The following PIP5K1C variants were observed in gnomAD, a reference collection of about 807,000 sequenced individuals.
PIP5K1C encodes the protein phosphatidylinositol 4-phosphate 5-kinase type-1 gamma.
PIP5K1C carries 45 observed loss-of-function variants against 80.1 expected under a neutral mutation model. That is an observed-to-expected ratio of 0.56 (90% CI 0.44 to 0.72). The LOEUF (loss-of-function observed/expected upper bound fraction) is 0.72. PIP5K1C is among the 30% of genes least tolerant of loss of function. The pLI is 0.00. For synonymous variants in PIP5K1C, 498 were observed against 420.1 expected (o/e 1.19, Z -2.27); for missense variants, 753 against 954.6 (o/e 0.79, Z 2.78).
chr19:3,673,812 C>T (rs964483915), intron 1 of PIP5K1C: 12 of 152,478 alleles, frequency 7.9e-5, no homozygotes, highest in African/African-American at 4.8e-5. Flanking sequence ...CGGCACTCCA[C>T]GACACAGGCT....
intron 15 of PIP5K1C, among the ~76,000 whole-genome samples, chr19:3,639,501 G>A (rs1034404220): frequency 3.9e-5 from 6 of 152,150 alleles, no homozygotes; most frequent in African/African-American, 1.2e-4. Context: ...CTGTCATCAC[G>A]GCTCACTACA....
At chr19:3,681,040 G>A (rs2035574036) in intron 1 of PIP5K1C, among the ~76,000 whole-genome samples, 1 of 152,156 alleles carries the variant, frequency 6.6e-6, no homozygotes, top group African/African-American at 2.4e-5. Flanking sequence ...CAGAGACCCT[G>A]TTTTAGAGAC....
intron 8 of PIP5K1C, among the ~76,000 whole-genome samples, chr19:3,651,496 G>A (rs1245181212): frequency 3.3e-5 from 5 of 152,204 alleles, no homozygotes; most frequent in Non-Finnish European, 7.3e-5. Flanking sequence ...CTCTGCACGG[G>A]TGGCGTGTAG....
rs377110165 is a variant in PIP5K1C, at chr19:3,643,225, T to C, written c.1649+18A>G. 1.2e-6 allele frequency: 2 copies of C among 1,611,370 alleles called. No individual in the cohort carries two copies. The highest frequency in any genetic ancestry group is 8.5e-7 in the Non-Finnish European group (1 of 1,179,506). On this transcript the variant is annotated intron_variant, in intron 13 of 17. Transcript: ENST00000335312. ...CAGCGGATGCCCCGCCCACATGCAC[T>C]GCGGATGCCTCGCCCACCTGTACCG...
chr19:3,695,730 T>C (rs977096989), intron 1 of PIP5K1C, among the ~76,000 whole-genome samples: 3 of 70,584 alleles, frequency 4.3e-5, no homozygotes, highest in Admixed American at 1.1e-4. Flanking sequence ...CCACTGACCC[T>C]TTTTTTTTTT....
rs980751050 is a variant in PIP5K1C, at chr19:3,692,504, A to G, written c.94+7793T>C. Among the ~76,000 whole-genome samples the G allele has an allele frequency of 6.6e-6, 1 of 151,860 alleles. No homozygotes were observed. The highest frequency in any genetic ancestry group is 6.5e-5 in the Admixed American group (1 of 15,270). On this transcript the variant is annotated intron_variant, in intron 1 of 17. Transcript: ENST00000335312. The surrounding 1 kb of genome is among the most constrained non-coding windows in gnomAD (Gnocchi z 5.2). ...AAACTCAATCCCCCCTCAGCCCCAC[A>G]CTCAACCTTCAAAAGGTCCTGCTGG...
chr19:3,632,030 C>T lies in PIP5K1C; in HGVS notation c.*1137G>A, dbSNP rs2033485670. 1.3e-5 allele frequency: 2 copies of T among 152,286 alleles called. No homozygotes were observed. The highest frequency in any genetic ancestry group is 6.5e-5 in the Admixed American group (1 of 15,292). The allele number at this position is 152,286 out of a possible 1,614,324, so 9.4% of individuals were successfully genotyped here. On this transcript the variant is annotated 3_prime_UTR_variant, in exon 18 of 18. Coordinates refer to ENST00000335312, the MANE Select transcript of PIP5K1C (RefSeq NM_012398.3). ...CCAGCACCCTCTGAGCGCAGCGGGC[C>T]CAGGAAGCTGCCCCAGGGCAGTCTG... is the stretch of plus-strand genomic sequence containing the variant.
chr19:3,662,115 T>C (rs915776372), intron 3 of PIP5K1C, 114 bp from the exon 4 acceptor site: 2 of 1,310,144 alleles, frequency 1.5e-6, no homozygotes, highest in South Asian at 2.7e-5. Context: ...ACCCGGCACC[T>C]GCCAACCCCC....
intron 1 of PIP5K1C, among the ~76,000 whole-genome samples, chr19:3,689,801 G>A (rs1194066367): frequency 2.0e-5 from 3 of 151,708 alleles, no homozygotes; most frequent in African/African-American, 4.8e-5. Flanking sequence ...TAACTCACAT[G>A]CACTCTCACA....
At chr19:3,680,668 A>C (rs1278826172) in intron 1 of PIP5K1C, among the ~76,000 whole-genome samples, 1 of 152,224 alleles carries the variant, frequency 6.6e-6, no homozygotes, top group Non-Finnish European at 1.5e-5. Context: ...CACATAAAAG[A>C]CACCCATCTA....
At chr19:3,681,190 T>A (rs1034414251) in intron 1 of PIP5K1C, among the ~76,000 whole-genome samples, 1 of 151,054 alleles carries the variant, frequency 6.6e-6, no homozygotes, top group Non-Finnish European at 1.5e-5. Flanking sequence ...GTGTGTACAA[T>A]GTTTCAGGAA....
intron 6 of PIP5K1C, among the ~76,000 whole-genome samples, chr19:3,655,242 C>A (rs983495777): frequency 6.6e-6 from 1 of 151,428 alleles, no homozygotes; most frequent in East Asian, 2.0e-4. Context: ...CACGGTGAAA[C>A]CATGTCTCTA....
rs182067507 is a variant in PIP5K1C at position 3,681,078 on chromosome 19, G to T, written c.95-13725C>A. Among the ~76,000 whole-genome samples, 3 of 152,046 alleles carry T rather than the reference G, an allele frequency of 2.0e-5. No individual in the cohort carries two copies. In the South Asian group the frequency reaches 6.2e-4, roughly 32 times the overall value. Reference sequence around the variant, plus strand: ...GGATGGTAGAATCTCGCCCCTGTTCGCCCCCCGCATCTGCACACACAAGAA... The same window carrying T: ...GGATGGTAGAATCTCGCCCCTGTTCTCCCCCCGCATCTGCACACACAAGAA... On this transcript the variant is annotated intron_variant, in intron 1 of 17. Transcript: ENST00000335312.
intron 1 of PIP5K1C, among the ~76,000 whole-genome samples, chr19:3,668,163 C>A (rs2035076184): frequency 6.6e-6 from 1 of 151,990 alleles, no homozygotes; most frequent in Non-Finnish European, 1.5e-5. Context: ...TGGGCTGAGC[C>A]GGGAGCACCT....
chr19:3,664,876 C>A lies in PIP5K1C; in HGVS notation c.165G>T (p.Gly55=). 1.2e-6 allele frequency: 2 copies of A among 1,613,308 alleles called. No homozygotes were observed. Among genetic ancestry groups the A allele is most frequent in the Non-Finnish European group, 1.7e-6 (2 of 1,179,996 alleles). ...SMTAQPGPGH[G]KKLGHRGVDA... is the part of the protein sequence containing the mutation. ...CCACACCTCGATGGCCCAACTTCTT[C>A]CCATGGCCAGGGCCCGGCTGTGCCG... Residue 55 remains glycine (G), a synonymous_variant, in exon 3 of 18, where the codon GGG becomes GGT. Coordinates refer to ENST00000335312, the MANE Select transcript of PIP5K1C (RefSeq NM_012398.3).
chr19:3,671,505 G>A (rs1043248695), intron 1 of PIP5K1C, among the ~76,000 whole-genome samples: 4 of 152,214 alleles, frequency 2.6e-5, no homozygotes, highest in Admixed American at 1.3e-4. Context: ...CAGGCGGCTC[G>A]GGCCCTGCTG....
chr19:3,686,041 G>A (rs1055532812), intron 1 of PIP5K1C, among the ~76,000 whole-genome samples: 10 of 151,678 alleles, frequency 6.6e-5, no homozygotes, highest in South Asian at 2.1e-4. Flanking sequence ...TTTCAGAAAC[G>A]GGGGTCTCGC....
At position 3,638,926 on chromosome 19, in the gene PIP5K1C, C is replaced by T. The variant is rs534081892; in HGVS notation, c.1878G>A (p.Gln626=). 1 of 1,612,720 alleles carries T rather than the reference C, an allele frequency of 6.2e-7. No homozygotes were observed. The highest frequency in any genetic ancestry group is 1.3e-5 in the African/African-American group (1 of 74,970). ...CGGGCGCGTCCTCCTCGTCCGAGGCCTGGCTGGCAGGTGCGCCCTCCTCGT... is the reference window on the plus strand; with the variant it reads ...CGGGCGCGTCCTCCTCGTCCGAGGCTTGGCTGGCAGGTGCGCCCTCCTCGT... ...ASDEEGAPAS[Q]ASDEEDAPAT... The change falls in exon 16 of 18, where the codon CAG becomes CAA. Residue 626 remains glutamine (Q), a synonymous_variant. Transcript: ENST00000335312.
At chr19:3,689,880 G>C (rs770389291) in intron 1 of PIP5K1C, among the ~76,000 whole-genome samples, 1 of 152,068 alleles carries the variant, frequency 6.6e-6, no homozygotes, top group African/African-American at 2.4e-5. Context: ...ATGGCAAAAC[G>C]TTAGCAGCTG....
Sources: gnomAD v4.1 joint callset for allele counts (sites outside exome capture counted in the v4.1 genomes callset) on GRCh38, gnomAD v4.1.1 for gene constraint, Gnocchi (gnomAD v3.1) non-coding constraint, MANE v1.5 for transcripts, NCBI Gene and HGNC (gene_info 2026-07-23, HGNC 2026-07-21) for gene names.